Variants in NDFIP1 observed in about 807,000 individuals in gnomAD.
NDFIP1 encodes Nedd4 family interacting protein 1.
Under a neutral mutation model 28.8 loss-of-function variants are expected in NDFIP1, and 7 were observed. That is an observed-to-expected ratio of 0.24 (90% CI 0.14 to 0.46). The LOEUF (loss-of-function observed/expected upper bound fraction) is 0.46, where lower values mean the gene tolerates loss of function less well. NDFIP1 is among the 20% of genes least tolerant of loss of function. The probability of loss-of-function intolerance (pLI) is 0.99; values close to 1 mark genes in which losing one functional copy is unlikely to be tolerated. For synonymous variants in NDFIP1, 92 were observed against 101.0 expected (o/e 0.91, Z 0.53); for missense variants, 194 against 269.1 (o/e 0.72, Z 1.95).
chr5:142,132,283 A>G lies in NDFIP1; in HGVS notation c.223A>G (p.Ser75Gly), dbSNP rs1361003625. ...PSYNVATTLP[S>G]YDEAERTKAE... ...TTACAATGTAGCTACAACACTGCCC[A>G]GTTATGATGAAGCGGAGAGGACCAA... Residue 75 changes from serine (S) to glycine (G), a missense_variant, in exon 3 of 8, where the codon AGT becomes GGT. Transcript: ENST00000253814. The G allele has an allele frequency of 6.2e-7, 1 of 1,614,214 alleles. No homozygotes were observed. The highest frequency in any genetic ancestry group is 8.5e-7 in the Non-Finnish European group (1 of 1,180,014).
At chr5:142,121,529 T>A (rs956825293) in intron 1 of NDFIP1, among the ~76,000 whole-genome samples, 1 of 152,226 alleles carries the variant, frequency 6.6e-6, no homozygotes, top group Non-Finnish European at 1.5e-5. Context: ...TTTGTTTGTT[T>A]CACACGTATT....
At position 142,135,713 on chromosome 5, in the gene NDFIP1, T is replaced by G; in HGVS notation, c.283-17T>G. The G allele has an allele frequency of 1.9e-6, 3 of 1,608,790 alleles. No individual in the cohort carries two copies. Among genetic ancestry groups the G allele is most frequent in the Non-Finnish European group, 2.6e-6 (3 of 1,175,486 alleles). On this transcript the variant is annotated splice_polypyrimidine_tract_variant and intron_variant, in intron 3 of 7. Transcript: ENST00000253814. ...TCTTCCCTTTGCCTAGAAATAATTC[T>G]TTTTCTTTTCATTTAGGATGAGGAT...
Position 142,153,927 on chromosome 5 carries a change from A to T in NDFIP1, c.*2199A>T, listed in dbSNP as rs1281964719. ...TTTGGTGGTCCATAAGACTTTGTCA[A>T]ATGTAAACCTACAGTTTGATACGCT... On this transcript the variant is annotated 3_prime_UTR_variant, in exon 8 of 8. Transcript: ENST00000253814. 1 of 152,814 alleles carries T rather than the reference A, an allele frequency of 6.5e-6. No individual in the cohort carries two copies. Among genetic ancestry groups the T allele is most frequent in the Non-Finnish European group, 1.5e-5 (1 of 68,358 alleles). The allele number at this position is 152,814 out of a possible 1,614,324, so 9.5% of individuals were successfully genotyped here. A position where few individuals can be genotyped will look rare whatever the true frequency, so the allele number is the denominator to read the frequency against.
In NDFIP1 at chr5:142,153,608, AT is replaced by A. The variant is rs3833446; in HGVS notation, c.*1891del. 0.16 allele frequency: 42,792 copies of A among 263,016 alleles called. 3,005 individuals are homozygous for A. Among genetic ancestry groups the A allele is most frequent in the East Asian group, 0.43 (5,100 of 11,768 alleles). 16.3% of individuals were successfully genotyped at this position (263,016 alleles called of 1,614,324 possible). On this transcript the variant is annotated 3_prime_UTR_variant, in exon 8 of 8. Transcript: ENST00000253814. ...GAGTTTTATGGAAGTTTCTTTGAAG[AT>A]TTTTTTTTTTCCATTTCGAATCAGA...
chr5:142,150,099 T>C (rs1303787193), intron 7 of NDFIP1, among the ~76,000 whole-genome samples: 2 of 149,602 alleles, frequency 1.3e-5, no homozygotes, highest in Admixed American at 6.8e-5. Context: ...GAGAACAGCA[T>C]GAACCCGGGG....
At chr5:142,145,014 C>G (rs1757373299) in intron 7 of NDFIP1, among the ~76,000 whole-genome samples, 1 of 152,198 alleles carries the variant, frequency 6.6e-6, no homozygotes, top group South Asian at 2.1e-4. Context: ...TGCACCAGTT[C>G]CAGAGGATGA....
chr5:142,130,964 T>A (rs555543400), intron 1 of NDFIP1, among the ~76,000 whole-genome samples: 1 of 152,240 alleles, frequency 6.6e-6, no homozygotes, highest in East Asian at 1.9e-4. Flanking sequence ...ATTTAATTTT[T>A]TTTTTTTTAA....
intron 1 of NDFIP1, among the ~76,000 whole-genome samples, chr5:142,114,321 G>A (rs1293699784): frequency 2.0e-5 from 3 of 152,132 alleles, no homozygotes; most frequent in Admixed American, 6.5e-5. Context: ...AATTAGCGAT[G>A]TTGAGCATCT....
chr5:142,150,195 AAAAAAT>A (rs56918194), intron 7 of NDFIP1, among the ~76,000 whole-genome samples: 38,134 of 138,184 alleles, frequency 0.28, 7,467 homozygotes, highest in African/African-American at 0.57. Flanking sequence ...AAAAAAAAAA[AAAAAAT>A]ATATAGAAAC....
At chr5:142,121,284 T>A (rs1326171424) in intron 1 of NDFIP1, among the ~76,000 whole-genome samples, 1 of 152,192 alleles carries the variant, frequency 6.6e-6, no homozygotes, top group Non-Finnish European at 1.5e-5. Flanking sequence ...TGTTAAACAT[T>A]TCTCATTTCT....
intron 1 of NDFIP1, among the ~76,000 whole-genome samples, chr5:142,129,390 C>T (rs570321548): frequency 6.6e-6 from 1 of 152,100 alleles, no homozygotes; most frequent in South Asian, 2.1e-4. Flanking sequence ...CCTATTTTGG[C>T]CACATGTCTT....
chr5:142,132,085 T>C, intron 2 of NDFIP1, 127 bp from the exon 3 acceptor site: 1 of 1,184,166 alleles, frequency 8.4e-7, no homozygotes, highest in Non-Finnish European at 1.2e-6. Flanking sequence ...TAAGAATGTC[T>C]TTTGGTTCAA....
intron 6 of NDFIP1, among the ~76,000 whole-genome samples, chr5:142,141,030 T>C (rs1757323906): frequency 6.6e-6 from 1 of 152,170 alleles, no homozygotes; most frequent in Non-Finnish European, 1.5e-5. Flanking sequence ...TGGCCCATCT[T>C]TGGTGGGTCT....
intron 1 of NDFIP1, among the ~76,000 whole-genome samples, chr5:142,112,865 G>A (rs1353053688): frequency 2.0e-5 from 3 of 150,952 alleles, no homozygotes. Context: ...TTTTGAAACT[G>A]AGACTGTCTC....
At chr5:142,136,151 C>T (rs1213126984) in intron 4 of NDFIP1, among the ~76,000 whole-genome samples, 1 of 152,100 alleles carries the variant, frequency 6.6e-6, no homozygotes, top group Non-Finnish European at 1.5e-5. Context: ...GAATTAAATG[C>T]CTTTGATGAA....
At chr5:142,111,011 C>T (rs1162963651) in intron 1 of NDFIP1, among the ~76,000 whole-genome samples, 1 of 151,966 alleles carries the variant, frequency 6.6e-6, no homozygotes, top group Non-Finnish European at 1.5e-5. Flanking sequence ...AAAACACAGG[C>T]TCACAGTCCA....
chr5:142,114,661 T>C lies in NDFIP1; in HGVS notation c.63+5624T>C, dbSNP rs181175305. 4.7e-3 allele frequency among the ~76,000 whole-genome samples: 721 copies of C among 152,314 alleles called. 3 individuals carry two copies. Among genetic ancestry groups the C allele is most frequent in the Non-Finnish European group, 7.8e-3 (533 of 68,030 alleles). On this transcript the variant is annotated intron_variant, in intron 1 of 7. Transcript: ENST00000253814. ...TGTAACGCTAAAAGAAAACAAATGG[T>C]ATGATATTTCAAGAAGATATCACAT...
At chr5:142,139,234 A>C (rs1252449325) in intron 5 of NDFIP1, among the ~76,000 whole-genome samples, 6 of 152,030 alleles carry the variant, frequency 3.9e-5, no homozygotes, top group African/African-American at 1.5e-4. Context: ...AAAAAAAAAA[A>C]GTTAAATGAA....
chr5:142,124,268 A>G (rs1757148340), intron 1 of NDFIP1, among the ~76,000 whole-genome samples: 1 of 152,208 alleles, frequency 6.6e-6, no homozygotes, highest in Non-Finnish European at 1.5e-5. Flanking sequence ...CAGTGCTACT[A>G]CCATAACCAT....
Sources: allele counts gnomAD v4.1 joint callset (sites outside exome capture counted in the v4.1 genomes callset), GRCh38; gene constraint gnomAD v4.1.1; transcripts MANE v1.5; gene names NCBI Gene and HGNC (gene_info 2026-07-23, HGNC 2026-07-21).